The following RASA2 variants were observed in gnomAD, a reference collection of about 807,000 sequenced individuals.
RASA2 encodes the protein ras GTPase-activating protein 2.
Under a neutral mutation model 118.2 loss-of-function variants are expected in RASA2, and 155 were observed. The ratio of observed to expected loss-of-function variants is 1.31; its 90% CI spans 1.15 to 1.50. The LOEUF is 1.50. Among genes scored for constraint, RASA2 ranks in the 40% most tolerant of loss-of-function variants. RASA2 has a pLI of 0.00. For missense variants in RASA2, 1,016 were observed against 1,009.6 expected, an observed-to-expected ratio of 1.01 and a Z score of -0.09; for synonymous variants, 353 against 349.1, an observed-to-expected ratio of 1.01 and a Z score of -0.12.
At chr3:141,523,260 G>T (rs1361845119) in intron 3 of RASA2, among the ~76,000 whole-genome samples, 1 of 151,860 alleles carries the variant, frequency 6.6e-6, no homozygotes, top group East Asian at 1.9e-4. Flanking sequence ...TGAGTAGCTG[G>T]GATTACAAAT....
At chr3:141,588,001 G>T (rs1211202043) in intron 19 of RASA2, among the ~76,000 whole-genome samples, 1 of 152,146 alleles carries the variant, frequency 6.6e-6, no homozygotes, top group Admixed American at 6.5e-5. Flanking sequence ...TGGACCTATA[G>T]ATCAGATTTC....
chr3:141,506,428 T>C (rs1461606535), intron 1 of RASA2, among the ~76,000 whole-genome samples: 1 of 152,252 alleles, frequency 6.6e-6, no homozygotes, highest in African/African-American at 2.4e-5. Flanking sequence ...CATTTCTTCC[T>C]TTCATTCAAA....
At chr3:141,601,003 C>T (rs59829044) in intron 19 of RASA2, among the ~76,000 whole-genome samples, 2,010 of 152,210 alleles carry the variant, frequency 0.013, 34 homozygotes, top group African/African-American at 0.046. Context: ...TGGCCAATTC[C>T]GTTTTAACAA....
rs143930053 is a variant in RASA2, at chr3:141,593,542, A to G, written c.1933+6790A>G. ...CAGTCTGCATGTGAACTCCTCTGAAATATTTAGTTGACTCTTAAACCGCTA... is the reference window on the plus strand; with the variant it reads ...CAGTCTGCATGTGAACTCCTCTGAAGTATTTAGTTGACTCTTAAACCGCTA... On this transcript the variant is annotated intron_variant, in intron 19 of 23. Coordinates refer to ENST00000286364, the MANE Select transcript of RASA2 (RefSeq NM_006506.5). Among the ~76,000 whole-genome samples the G allele has an allele frequency of 3.1e-3, 471 of 152,258 alleles. 4 individuals carry two copies. The highest frequency in any genetic ancestry group is 0.01 in the African/African-American group (434 of 41,546).
chr3:141,581,024 C>T, intron 16 of RASA2, 76 bp from the exon 17 acceptor site: 2 of 1,385,052 alleles, frequency 1.4e-6, no homozygotes, highest in South Asian at 1.7e-5. Context: ...CCTTAATCCT[C>T]AGCTTAAAAA....
chr3:141,571,210 TTC>T (rs2082914315), intron 10 of RASA2, 142 bp downstream of exon 10: 1 of 1,134,412 alleles, frequency 8.8e-7, no homozygotes, highest in Non-Finnish European at 1.2e-6. Flanking sequence ...ACACACACAT[TTC>T]TATTTATCTG....
At chr3:141,554,023 T>C in intron 6 of RASA2, 83 bp downstream of exon 6, 13 of 1,510,740 alleles carry the variant, frequency 8.6e-6, no homozygotes, top group Non-Finnish European at 1.1e-5. Flanking sequence ...TACGAGCAAA[T>C]GATAAATAGC....
chr3:141,487,322 G>T, intron 1 of RASA2, 106 bp downstream of exon 1: 1 of 1,171,044 alleles, frequency 8.5e-7, no homozygotes, highest in Non-Finnish European at 1.1e-6. Context: ...TGGGATCGCG[G>T]GCCCGGGAGG....
intron 2 of RASA2, among the ~76,000 whole-genome samples, chr3:141,515,776 T>C (rs2082013858): frequency 6.6e-6 from 1 of 151,410 alleles, no homozygotes; most frequent in Non-Finnish European, 1.5e-5. Context: ...GGCATGTGCC[T>C]GTAGTCCCAG....
intron 14 of RASA2, among the ~76,000 whole-genome samples, chr3:141,575,628 A>C (rs1395822201): frequency 1.3e-5 from 2 of 152,342 alleles, no homozygotes; most frequent in Middle Eastern, 3.4e-3. Context: ...GGCGTGGCCA[A>C]CAGGCAAGCA....
intron 4 of RASA2, among the ~76,000 whole-genome samples, chr3:141,536,428 G>T (rs189849629): frequency 6.6e-6 from 1 of 152,192 alleles, no homozygotes; most frequent in East Asian, 1.9e-4. Flanking sequence ...TTGACATTTG[G>T]TGGGGACACA....
intron 19 of RASA2, among the ~76,000 whole-genome samples, chr3:141,588,141 C>T (rs2107778693): frequency 6.6e-6 from 1 of 152,264 alleles, no homozygotes; most frequent in East Asian, 1.9e-4. Context: ...AGGATAGTTA[C>T]ATTAGTCTTT....
chr3:141,487,794 G>C (rs569040802), intron 1 of RASA2, among the ~76,000 whole-genome samples: 7 of 152,284 alleles, frequency 4.6e-5, no homozygotes, highest in Admixed American at 1.3e-4. Context: ...GGCCGCCCTG[G>C]GGCCCGAGTG....
At chr3:141,516,645 A>G (rs2151084473) in intron 3 of RASA2, among the ~76,000 whole-genome samples, 1 of 152,288 alleles carries the variant, frequency 6.6e-6, no homozygotes, top group African/African-American at 2.4e-5. Context: ...TCCCCTAGTC[A>G]CTATGTCATA....
At chr3:141,522,018 T>G (rs930146310) in intron 3 of RASA2, among the ~76,000 whole-genome samples, 5 of 152,136 alleles carry the variant, frequency 3.3e-5, no homozygotes, top group African/African-American at 1.2e-4. Context: ...GAGCTAGAAT[T>G]TAGAGAATCA....
intron 3 of RASA2, among the ~76,000 whole-genome samples, chr3:141,520,192 T>C (rs1206007397): frequency 1.3e-5 from 2 of 151,868 alleles, no homozygotes; most frequent in Non-Finnish European, 2.9e-5. Context: ...TTTGTATTTT[T>C]AGTAGAGACA....
chr3:141,543,800 G>A lies in RASA2; in HGVS notation c.527+3191G>A, dbSNP rs117570169. Among the ~76,000 whole-genome samples, 413 of 149,968 alleles carry A rather than the reference G, an allele frequency of 2.8e-3. 18 individuals are homozygous for A. In the East Asian group the frequency reaches 0.057, roughly 21 times the overall value. ...TGTTTTTCCCTATAGGTAACACACC[G>A]TTTTTCTCTGGCTTCTTTTAAGGTT... On this transcript the variant is annotated intron_variant, in intron 5 of 23. Coordinates refer to ENST00000286364, the MANE Select transcript of RASA2 (RefSeq NM_006506.5).
intron 5 of RASA2, among the ~76,000 whole-genome samples, chr3:141,544,202 C>T (rs1205119979): frequency 6.6e-6 from 1 of 152,100 alleles, no homozygotes; most frequent in African/African-American, 2.4e-5. Context: ...TATGTTTTAG[C>T]TTGATTGTGA....
intron 1 of RASA2, among the ~76,000 whole-genome samples, chr3:141,492,242 A>C (rs2081648478): frequency 6.6e-6 from 1 of 152,226 alleles, no homozygotes; most frequent in African/African-American, 2.4e-5. Flanking sequence ...CTTTAATCAT[A>C]GCTGCTAATC....
Sources: gnomAD v4.1 joint callset for allele counts (sites outside exome capture counted in the v4.1 genomes callset) on GRCh38, gnomAD v4.1.1 for gene constraint, MANE v1.5 for transcripts, NCBI Gene and HGNC (gene_info 2026-07-23, HGNC 2026-07-21) for gene names.